Variants in HTR1E observed in about 807,000 individuals in gnomAD.
HTR1E encodes the protein 5-HT-1E.
A neutral mutation model predicts 3.4 loss-of-function variants in HTR1E; 3 were observed. The observed-to-expected ratio is 0.89, with a 90% confidence interval of 0.41 to 2.31. HTR1E has a LOEUF of 2.31. Ranked by LOEUF, HTR1E falls within the 30% of genes most tolerant of loss-of-function variation. The probability of loss-of-function intolerance (pLI) is 0.05; values close to 1 mark genes in which losing one functional copy is unlikely to be tolerated. For missense variants in HTR1E, 392 were observed against 467.0 expected (o/e 0.84, Z 1.48); for synonymous variants, 170 against 182.8 (o/e 0.93, Z 0.56).
At chr6:86,958,280 G>C (rs867101267) in intron 1 of HTR1E, among the ~76,000 whole-genome samples, 1 of 151,964 alleles carries the variant, frequency 6.6e-6, no homozygotes, top group Admixed American at 6.6e-5. Flanking sequence ...GGATGGTCTC[G>C]ATATCCTGAC....
At chr6:86,997,639 A>G (rs1392138897) in intron 1 of HTR1E, among the ~76,000 whole-genome samples, 1 of 151,896 alleles carries the variant, frequency 6.6e-6, no homozygotes, top group Non-Finnish European at 1.5e-5. Flanking sequence ...AACATAACAT[A>G]TGCAGGACTT....
At chr6:86,943,032 A>G (rs1426664155) in intron 1 of HTR1E, among the ~76,000 whole-genome samples, 1 of 152,182 alleles carries the variant, frequency 6.6e-6, no homozygotes, top group East Asian at 1.9e-4. Context: ...AATCTCTCAC[A>G]TTGCATTAAG....
intron 1 of HTR1E, among the ~76,000 whole-genome samples, chr6:86,941,108 A>G (rs377469724): frequency 1.3e-4 from 20 of 152,228 alleles, no homozygotes; most frequent in Non-Finnish European, 2.4e-4. Flanking sequence ...ATCATTTTCT[A>G]GAACCAGTAT....
chr6:86,953,111 C>G (rs1767269091), intron 1 of HTR1E, among the ~76,000 whole-genome samples: 1 of 151,968 alleles, frequency 6.6e-6, no homozygotes, highest in Admixed American at 6.5e-5. Context: ...AACTGTAGCT[C>G]TCTCTATTGA....
intron 1 of HTR1E, among the ~76,000 whole-genome samples, chr6:87,006,284 G>A (rs763839678): frequency 6.6e-6 from 1 of 152,182 alleles, no homozygotes; most frequent in Admixed American, 6.5e-5. Flanking sequence ...GCACTCCCAT[G>A]TTTATTGCAG....
At chr6:86,948,918 G>C (rs1287343111) in intron 1 of HTR1E, among the ~76,000 whole-genome samples, 2 of 152,150 alleles carry the variant, frequency 1.3e-5, no homozygotes, top group African/African-American at 2.4e-5. Flanking sequence ...ACTTTACATG[G>C]AGGAAGGAAG....
At chr6:87,014,281 A>G (rs1448225401) in intron 1 of HTR1E, among the ~76,000 whole-genome samples, 1 of 148,284 alleles carries the variant, frequency 6.7e-6, no homozygotes, top group Non-Finnish European at 1.5e-5. Context: ...TAATAATAAT[A>G]ATAATAATAA....
chr6:86,941,821 G>A (rs923014479), intron 1 of HTR1E, among the ~76,000 whole-genome samples: 2 of 151,728 alleles, frequency 1.3e-5, no homozygotes, highest in African/African-American at 4.8e-5. Flanking sequence ...CCATTAGGGA[G>A]GGAGGAAGGG....
chr6:87,011,779 C>A (rs558216644), intron 1 of HTR1E, among the ~76,000 whole-genome samples: 107 of 151,964 alleles, frequency 7.0e-4, no homozygotes, highest in Middle Eastern at 3.4e-3. Flanking sequence ...TCTCAAAAGC[C>A]AAGCCCATAG....
At chr6:86,948,591 T>G (rs1683964129) in intron 1 of HTR1E, among the ~76,000 whole-genome samples, 1 of 152,146 alleles carries the variant, frequency 6.6e-6, no homozygotes, top group Non-Finnish European at 1.5e-5. Flanking sequence ...TTGCAGGCTT[T>G]TAATGCTGGA....
At chr6:86,941,625 A>C (rs1242172243) in intron 1 of HTR1E, among the ~76,000 whole-genome samples, 1 of 152,240 alleles carries the variant, frequency 6.6e-6, no homozygotes, top group Non-Finnish European at 1.5e-5. Flanking sequence ...GGATCATTTT[A>C]AACTACAAGT....
chr6:86,943,834 G>A lies in HTR1E; in HGVS notation c.-186+6011G>A, dbSNP rs116390619. On this transcript the variant is annotated intron_variant, in intron 1 of 1. Transcript: ENST00000305344. ...ATAATAAATTACCCCAAAACCTAAT[G>A]GCTTAAAGCAACAGATTTTTATTAT... Among the ~76,000 whole-genome samples, 291 of 152,260 alleles carry A rather than the reference G, an allele frequency of 1.9e-3. 3 individuals carry two copies. The highest frequency in any genetic ancestry group is 6.8e-3 in the African/African-American group (283 of 41,554).
At position 87,010,318 on chromosome 6, in the gene HTR1E, AC is replaced by A. The variant is rs1249536199; in HGVS notation, c.-185-4824del. ...GGCGGCTGGCCGGGCGGGGGGGCTG[AC>A]CCCCCCCACCTCCCTCCCGGACGGG... On this transcript the variant is annotated intron_variant, in intron 1 of 1. Transcript: ENST00000305344. Among the ~76,000 whole-genome samples the A allele has an allele frequency of 5.7e-4, 39 of 68,604 alleles. 2 individuals are homozygous for A. Among genetic ancestry groups the A allele is most frequent in the Non-Finnish European group, 8.7e-4 (33 of 37,966 alleles). The allele number at this position is 68,604 out of a possible 152,430, so 45.0% of individuals were successfully genotyped here. A position where few individuals can be genotyped will look rare whatever the true frequency, so the allele number is the denominator to read the frequency against.
chr6:86,957,162 G>C (rs1767337867), intron 1 of HTR1E, among the ~76,000 whole-genome samples: 1 of 152,154 alleles, frequency 6.6e-6, no homozygotes, highest in South Asian at 2.1e-4. Flanking sequence ...AAGAAGTCTT[G>C]GAAGCAGATG....
rs1407626549 is a variant in HTR1E, at chr6:86,967,888, C to T, written c.-186+30065C>T. 2.6e-5 allele frequency among the ~76,000 whole-genome samples: 4 copies of T among 152,060 alleles called. No individual in the cohort carries two copies. In the East Asian group the frequency reaches 7.7e-4, roughly 29 times the overall value. On this transcript the variant is annotated intron_variant, in intron 1 of 1. Transcript: ENST00000305344. Reference sequence around the variant, plus strand: ...GCTGATTTGTTGGAGCATGAAAGGGCAGTCATACTGAAGGAGAGGGGAGAG... The same window carrying T: ...GCTGATTTGTTGGAGCATGAAAGGGTAGTCATACTGAAGGAGAGGGGAGAG...
chr6:87,012,793 G>T (rs1275701803), intron 1 of HTR1E, among the ~76,000 whole-genome samples: 1 of 152,176 alleles, frequency 6.6e-6, no homozygotes, highest in African/African-American at 2.4e-5. Flanking sequence ...TTTAGAGAAA[G>T]ATGTCATTAT....
At chr6:86,978,907 G>A (rs1370854449) in intron 1 of HTR1E, among the ~76,000 whole-genome samples, 1 of 152,154 alleles carries the variant, frequency 6.6e-6, no homozygotes, top group East Asian at 1.9e-4. Context: ...GCTTTGCAAG[G>A]TAACCTCATT....
intron 1 of HTR1E, among the ~76,000 whole-genome samples, chr6:86,956,234 T>C (rs956378058): frequency 1.3e-5 from 2 of 152,218 alleles, no homozygotes; most frequent in Non-Finnish European, 2.9e-5. Context: ...TAAAGAATCC[T>C]CTTCCCTTTC....
intron 1 of HTR1E, among the ~76,000 whole-genome samples, chr6:86,980,607 G>C (rs959486635): frequency 6.6e-6 from 1 of 152,042 alleles, no homozygotes; most frequent in African/African-American, 2.4e-5. Context: ...GTTAATGCTA[G>C]TTTTTAGTCA....
Sources: allele counts gnomAD v4.1 joint callset (sites outside exome capture counted in the v4.1 genomes callset), GRCh38; gene constraint gnomAD v4.1.1; transcripts MANE v1.5; gene names NCBI Gene and HGNC (gene_info 2026-07-23, HGNC 2026-07-21).